The following CDK14 variants were observed in gnomAD, a reference collection of about 807,000 sequenced individuals.
CDK14 encodes the protein cyclin dependent kinase 14, also known as cyclin-dependent kinase 14.
CDK14 carries 34 observed loss-of-function variants against 60.7 expected under a neutral mutation model. That is an observed-to-expected ratio of 0.56 (90% CI 0.43 to 0.75). CDK14 has a LOEUF of 0.75. Ranked by LOEUF, CDK14 falls within the 30% of genes least tolerant of loss-of-function variation. The pLI is 0.00. For missense variants in CDK14, 482 were observed against 564.1 expected (o/e 0.85, Z 1.47); for synonymous variants, 197 against 203.7 (o/e 0.97, Z 0.28).
intron 4 of CDK14, among the ~76,000 whole-genome samples, chr7:90,767,001 A>G (rs1260314640): frequency 1.3e-5 from 2 of 151,704 alleles, no homozygotes; most frequent in African/African-American, 2.4e-5. Flanking sequence ...GCCATGTAGT[A>G]CCCTGGCTCC....
intron 3 of CDK14, 25 bp downstream of exon 3, chr7:90,726,837 A>G (rs1802652261): frequency 6.2e-7 from 1 of 1,610,842 alleles, no homozygotes; most frequent in African/African-American, 1.3e-5. Flanking sequence ...TTTGTTTATC[A>G]CTGGGTAAAC....
chr7:90,646,343 G>A (rs1800467790), intron 2 of CDK14, among the ~76,000 whole-genome samples: 1 of 149,282 alleles, frequency 6.7e-6, no homozygotes, highest in South Asian at 2.1e-4. Context: ...ATTTTTAATG[G>A]TTCAGCGTGC....
intron 2 of CDK14, chr7:90,726,276 T>TG: frequency 2.0e-6 from 2 of 981,818 alleles, no homozygotes; most frequent in Non-Finnish European, 2.4e-6. Context: ...GTAAAACGTG[T>TG]GACAGAGTTC....
At chr7:90,921,966 GGC>G (rs1319300432) in intron 8 of CDK14, among the ~76,000 whole-genome samples, 1 of 152,122 alleles carries the variant, frequency 6.6e-6, no homozygotes, top group African/African-American at 2.4e-5. Context: ...GTAAGTTCAT[GGC>G]TTGTCATATG....
chr7:90,867,527 G>A (rs1232082875), intron 6 of CDK14, among the ~76,000 whole-genome samples: 2 of 152,002 alleles, frequency 1.3e-5, no homozygotes, highest in Admixed American at 1.3e-4. Flanking sequence ...AATTACATAA[G>A]AGCAAAGCAT....
At chr7:90,605,267 C>T (rs371745163) in intron 2 of CDK14, among the ~76,000 whole-genome samples, 1 of 152,118 alleles carries the variant, frequency 6.6e-6, no homozygotes, top group South Asian at 2.1e-4. Flanking sequence ...CTGGATGGGG[C>T]CACCGTCATT....
chr7:90,797,003 T>C (rs968960875), intron 5 of CDK14, among the ~76,000 whole-genome samples: 1 of 151,790 alleles, frequency 6.6e-6, no homozygotes, highest in Non-Finnish European at 1.5e-5. Flanking sequence ...ACCTACTGAT[T>C]TGTGTATGTT....
Position 91,201,091 on chromosome 7 carries a change from C to T in CDK14, c.*29-6074C>T, listed in dbSNP as rs769428003. 2.1e-4 allele frequency among the ~76,000 whole-genome samples: 32 copies of T among 152,030 alleles called. 1 individual carries two copies. The highest frequency in any genetic ancestry group is 4.4e-5 in the Non-Finnish European group (3 of 68,000). ...TTGCGTGCCTATCTTTAAATGCCTCCTTATGTATCAATATTTTGAATTCTA... is the reference window on the plus strand; with the variant it reads ...TTGCGTGCCTATCTTTAAATGCCTCTTTATGTATCAATATTTTGAATTCTA... On this transcript the variant is annotated intron_variant, in intron 14 of 14. Transcript: ENST00000380050.
intron 9 of CDK14, among the ~76,000 whole-genome samples, chr7:90,958,835 G>T (rs1794511068): frequency 6.6e-6 from 1 of 152,100 alleles, no homozygotes. Flanking sequence ...AACATCTGTG[G>T]CTTGGAGCCA....
intron 6 of CDK14, among the ~76,000 whole-genome samples, chr7:90,890,750 G>A (rs1398930578): frequency 6.6e-6 from 1 of 152,194 alleles, no homozygotes; most frequent in Non-Finnish European, 1.5e-5. Flanking sequence ...TAAAACAGAG[G>A]TTATACCTAG....
At chr7:90,778,538 C>T (rs1204199755) in intron 4 of CDK14, among the ~76,000 whole-genome samples, 1 of 152,168 alleles carries the variant, frequency 6.6e-6, no homozygotes, top group African/African-American at 2.4e-5. Context: ...AGAAGTTAAT[C>T]ATGCTGTTAC....
intron 14 of CDK14, among the ~76,000 whole-genome samples, chr7:91,180,194 G>A (rs191143874): frequency 6.6e-6 from 1 of 152,188 alleles, no homozygotes; most frequent in Non-Finnish European, 1.5e-5. Flanking sequence ...CCCACCTTGA[G>A]TAAGCATGAT....
At chr7:90,715,417 A>G (rs1163555079) in intron 2 of CDK14, among the ~76,000 whole-genome samples, 1 of 152,028 alleles carries the variant, frequency 6.6e-6, no homozygotes, top group East Asian at 1.9e-4. Context: ...TCTTGTGTTT[A>G]TTAGTGGTTA....
intron 3 of CDK14, among the ~76,000 whole-genome samples, chr7:90,746,434 A>G (rs1044679256): frequency 2.6e-5 from 4 of 152,176 alleles, no homozygotes; most frequent in Non-Finnish European, 4.4e-5. Context: ...TTCAAGCCCA[A>G]CTTGAAGAAT....
chr7:90,768,268 A>G (rs1475610672), intron 4 of CDK14, among the ~76,000 whole-genome samples: 1 of 152,240 alleles, frequency 6.6e-6, no homozygotes, highest in East Asian at 1.9e-4. Context: ...CCAGATCTCT[A>G]TTTAGAGATA....
At chr7:90,697,764 T>G (rs1321596886) in intron 2 of CDK14, among the ~76,000 whole-genome samples, 5 of 152,104 alleles carry the variant, frequency 3.3e-5, no homozygotes, top group Non-Finnish European at 7.4e-5. Context: ...AAGTAATTCC[T>G]TCCACTTAAA....
At chr7:90,803,105 A>AT (rs35308838) in intron 5 of CDK14, among the ~76,000 whole-genome samples, 36,712 of 148,688 alleles carry the variant, frequency 0.25, 4,697 homozygotes, top group African/African-American at 0.29. Flanking sequence ...TGAGTTAACC[A>AT]TTTTTTTTTT....
At chr7:90,659,700 A>T (rs1034764867) in intron 2 of CDK14, among the ~76,000 whole-genome samples, 1 of 152,198 alleles carries the variant, frequency 6.6e-6, no homozygotes, top group Admixed American at 6.5e-5. Flanking sequence ...AGCTTATACA[A>T]ATAATGATAT....
chr7:90,788,262 A>G (rs777562367), intron 4 of CDK14, among the ~76,000 whole-genome samples: 6 of 152,296 alleles, frequency 3.9e-5, no homozygotes, highest in South Asian at 2.1e-4. Flanking sequence ...GATGAGCTCA[A>G]CTGGGCTGAG....
Sources: allele counts gnomAD v4.1 joint callset (sites outside exome capture counted in the v4.1 genomes callset), GRCh38; gene constraint gnomAD v4.1.1; transcripts MANE v1.5; gene names NCBI Gene and HGNC (gene_info 2026-07-23, HGNC 2026-07-21).